The following ARMC8 variants were observed in gnomAD, a reference collection of about 807,000 sequenced individuals.
The protein encoded by ARMC8 is armadillo repeat-containing protein 8.
A neutral mutation model predicts 99.3 loss-of-function variants in ARMC8; 20 were observed. The ratio of observed to expected loss-of-function variants is 0.20; its 90% CI spans 0.14 to 0.29. The LOEUF (loss-of-function observed/expected upper bound fraction) is 0.29, where lower values mean the gene tolerates loss of function less well. ARMC8 is among the 10% of genes least tolerant of loss of function. The pLI, the probability that ARMC8 is intolerant of heterozygous loss-of-function variation, is 1.00. For synonymous variants in ARMC8, 263 were observed against 278.3 expected (o/e 0.95, Z 0.55); for missense variants, 569 against 809.5 (o/e 0.70, Z 3.60).
At chr3:138,290,506 C>A in intron 20 of ARMC8, 40 bp from the exon 21 acceptor site, 2 of 1,442,316 alleles carry the variant, frequency 1.4e-6, no homozygotes, top group Non-Finnish European at 1.9e-6. Flanking sequence ...AGAGCATTTG[C>A]CTGGGTCATG....
intron 12 of ARMC8, among the ~76,000 whole-genome samples, chr3:138,248,351 G>C (rs893482546): frequency 6.6e-6 from 1 of 152,096 alleles, no homozygotes; most frequent in Admixed American, 6.6e-5. Context: ...GTGGAAGAAG[G>C]GTCCAGAACA....
At chr3:138,251,757 T>C (rs919769421) in intron 12 of ARMC8, among the ~76,000 whole-genome samples, 1 of 152,198 alleles carries the variant, frequency 6.6e-6, no homozygotes, top group African/African-American at 2.4e-5. Flanking sequence ...AATAATGAAT[T>C]TTTATTTCAT....
chr3:138,279,999 G>A (rs912962062), intron 18 of ARMC8, among the ~76,000 whole-genome samples: 1 of 151,832 alleles, frequency 6.6e-6, no homozygotes. Context: ...TGCCTCCCGG[G>A]TTCAAACCTT....
intron 15 of ARMC8, among the ~76,000 whole-genome samples, chr3:138,267,456 C>T (rs1468537699): frequency 1.3e-5 from 2 of 152,144 alleles, no homozygotes; most frequent in Non-Finnish European, 2.9e-5. Context: ...CTAACATATT[C>T]AGCTTATTTA....
intron 12 of ARMC8, among the ~76,000 whole-genome samples, chr3:138,250,270 T>C (rs75524484): frequency 0.049 from 7,391 of 152,190 alleles, 593 homozygotes; most frequent in African/African-American, 0.17. Flanking sequence ...TGCCACATAA[T>C]AGGTGCTCAA....
chr3:138,257,601 C>A (rs1431390973), intron 12 of ARMC8, among the ~76,000 whole-genome samples: 2 of 152,070 alleles, frequency 1.3e-5, no homozygotes, highest in Non-Finnish European at 1.5e-5. Flanking sequence ...TAGTCTCTAT[C>A]CCATTTCCAA....
At chr3:138,259,089 G>A (rs1043274558) in intron 12 of ARMC8, among the ~76,000 whole-genome samples, 1 of 152,218 alleles carries the variant, frequency 6.6e-6, no homozygotes, top group Non-Finnish European at 1.5e-5. Context: ...AGATGCTTTT[G>A]CAGGGTGCTA....
chr3:138,245,926 A>G (rs779824555), intron 12 of ARMC8: 58 of 985,362 alleles, frequency 5.9e-5, no homozygotes, highest in East Asian at 1.1e-4. Context: ...AAGGCTTTCA[A>G]GACCATCAGA....
At chr3:138,284,363 G>A in intron 18 of ARMC8, 68 bp from the exon 19 acceptor site, 1 of 1,254,318 alleles carries the variant, frequency 8.0e-7, no homozygotes, top group Non-Finnish European at 1.2e-6. Context: ...AATTGCCCAA[G>A]CTCTTGAGAC....
At chr3:138,246,159 TGAAAA>T (rs1284273574) in intron 12 of ARMC8, 2 of 985,734 alleles carry the variant, frequency 2.0e-6, no homozygotes, top group Middle Eastern at 5.2e-4. Context: ...TGAAATAACT[TGAAAA>T]GGAACCATTT....
In ARMC8 at chr3:138,188,680, A is replaced by T. The variant is rs2043210337; in HGVS notation, c.45+1081A>T. On this transcript the variant is annotated intron_variant, in intron 1 of 21. Transcript: ENST00000469044. ...CGGGTTCCTAGAGTCTTGTAACTAC[A>T]ACCGGTTTCTTTTCTCTTCTCTGAC... is the stretch of plus-strand genomic sequence containing the variant. 3 of 1,020,462 alleles carry T rather than the reference A, an allele frequency of 2.9e-6. No homozygotes were observed. The South Asian group carries it at 4.2e-5, about 14-fold the overall frequency. The allele number at this position is 1,020,462 out of a possible 1,614,324, so 63.2% of individuals were successfully genotyped here.
intron 1 of ARMC8, among the ~76,000 whole-genome samples, chr3:138,208,872 G>A (rs2044539542): frequency 6.6e-6 from 1 of 152,166 alleles, no homozygotes; most frequent in African/African-American, 2.4e-5. Context: ...CAAATGAAAA[G>A]GAGGTAAGTG....
intron 6 of ARMC8, among the ~76,000 whole-genome samples, chr3:138,234,156 A>G (rs981313127): frequency 6.6e-6 from 1 of 151,642 alleles, no homozygotes; most frequent in Non-Finnish European, 1.5e-5. Flanking sequence ...CCCAGGCTAC[A>G]GTGCAGTGGT....
intron 15 of ARMC8, among the ~76,000 whole-genome samples, chr3:138,269,724 C>T (rs74470565): frequency 0.011 from 1,644 of 151,534 alleles, 35 homozygotes; most frequent in African/African-American, 0.037. Context: ...TCATAAGGGT[C>T]TGTGTGAAAT....
chr3:138,231,383 A>G (rs73227561), intron 6 of ARMC8, among the ~76,000 whole-genome samples: 5 of 152,324 alleles, frequency 3.3e-5, no homozygotes, highest in African/African-American at 7.2e-5. Flanking sequence ...TAAAATTACT[A>G]ATTTGCTTTG....
Position 138,241,816 on chromosome 3 carries a change from G to A in ARMC8, c.871G>A (p.Glu291Lys). 6.2e-7 allele frequency: 1 copy of A among 1,613,982 alleles called. No homozygotes were observed. The highest frequency in any genetic ancestry group is 1.1e-5 in the South Asian group (1 of 91,064). The change falls in exon 11 of 22, where the codon GAG (glutamate) becomes AAG (lysine). Residue 291 changes from glutamate to lysine, a missense_variant. Around this residue, in one of 2 missense-constraint regions of ARMC8, gnomAD observed 342 missense variants for 391.6 expected, o/e 0.87. Transcript: ENST00000469044. Reference protein sequence around the residue: ...LPCLVRMCSKERLLEERVEGA... With the variant: ...LPCLVRMCSKKRLLEERVEGA... ...TTGTTTGGTTCGAATGTGCAGTAAG[G>A]AGAGATTACTAGAGGAGAGAGTTGA...
rs996615334 is a variant in ARMC8 at position 138,296,525 on chromosome 3, A to G, written c.*633A>G. On this transcript the variant is annotated 3_prime_UTR_variant, in exon 22 of 22. Transcript: ENST00000469044. ...TATGCATTTCTGAACCTCAACTTAC[A>G]TAGATTTTCTTTATATAAAAAAAAA... The G allele has an allele frequency of 3.3e-5, 5 of 152,156 alleles. No individual in the cohort carries two copies. Among genetic ancestry groups the G allele is most frequent in the African/African-American group, 1.2e-4 (5 of 41,426 alleles). 9.4% of individuals were successfully genotyped at this position (152,156 alleles called of 1,614,324 possible).
chr3:138,258,815 T>C (rs770529824), intron 12 of ARMC8, among the ~76,000 whole-genome samples: 1 of 152,224 alleles, frequency 6.6e-6, no homozygotes, highest in African/African-American at 2.4e-5. Context: ...TTCTGTAGTT[T>C]ACAGCCCAGG....
chr3:138,262,474 G>A, intron 12 of ARMC8: 2 of 1,549,746 alleles, frequency 1.3e-6, no homozygotes, highest in Non-Finnish European at 1.7e-6. Context: ...CTTCTTGTTT[G>A]GCTGAAACAT....
Sources: gnomAD v4.1 joint callset for allele counts (sites outside exome capture counted in the v4.1 genomes callset) on GRCh38, gnomAD v4.1.1 for gene constraint, gnomAD v4.1.1 regional missense constraint, MANE v1.5 for transcripts, NCBI Gene and HGNC (gene_info 2026-07-23, HGNC 2026-07-21) for gene names.